ARHGAP20: variants seen among roughly 807,000 people sequenced by gnomAD.
The protein encoded by ARHGAP20 is rho GTPase-activating protein 20.
In ARHGAP20, 34 loss-of-function variants were observed where a neutral mutation model predicts 73.7. The observed-to-expected ratio is 0.46, with a 90% CI of 0.35 to 0.61. The LOEUF is 0.61. Among genes scored for constraint, ARHGAP20 ranks in the 20% least tolerant of loss-of-function variants. The pLI, the probability that ARHGAP20 is intolerant of heterozygous loss-of-function variation, is 0.00. For missense variants in ARHGAP20, 1,314 were observed against 1,420.9 expected (o/e 0.92, Z 1.21); for synonymous variants, 523 against 518.2 (o/e 1.01, Z -0.13).
At chr11:110,658,992 C>T (rs926308884) in intron 2 of ARHGAP20, among the ~76,000 whole-genome samples, 1 of 152,022 alleles carries the variant, frequency 6.6e-6, no homozygotes, top group Non-Finnish European at 1.5e-5. Flanking sequence ...CAAGTCTTTG[C>T]TATTGTGAAT....
chr11:110,677,121 T>G (rs1472436017), intron 2 of ARHGAP20, among the ~76,000 whole-genome samples: 1 of 152,202 alleles, frequency 6.6e-6, no homozygotes, highest in Non-Finnish European at 1.5e-5. Context: ...CAGGTTCAAG[T>G]GCTTTGGGGC....
intron 11 of ARHGAP20, 62 bp from the exon 12 acceptor site, chr11:110,586,387 G>A: frequency 9.6e-7 from 1 of 1,038,748 alleles, no homozygotes; most frequent in Admixed American, 2.4e-5. Flanking sequence ...ATGTATTAGA[G>A]AAAGTAGAAG....
intron 1 of ARHGAP20, chr11:110,711,640 C>T: frequency 6.8e-7 from 1 of 1,479,448 alleles, no homozygotes; most frequent in East Asian, 2.8e-5. Flanking sequence ...CCACCAGCGC[C>T]GCAGCCCCGC....
At position 110,712,083 on chromosome 11, in the gene ARHGAP20, G is replaced by A. The variant is rs536856636; in HGVS notation, c.105+44C>T. 15 of 1,263,020 alleles carry A rather than the reference G, an allele frequency of 1.2e-5. No individual in the cohort carries two copies. The African/African-American group carries it at 1.9e-4, about 16-fold the overall frequency. The allele number at this position is 1,263,020 out of a possible 1,614,324, so 78.2% of individuals were successfully genotyped here. Reference sequence around the variant, plus strand: ...GCGGAGGGCGCGCGCCGGCAGTGGGGGCTGCGGCGGCGGAGGGCACGGGCC... The same window carrying A: ...GCGGAGGGCGCGCGCCGGCAGTGGGAGCTGCGGCGGCGGAGGGCACGGGCC... On this transcript the variant is annotated intron_variant, in intron 1 of 14. Transcript: ENST00000683387.
At chr11:110,637,989 G>T (rs1181259715) in intron 2 of ARHGAP20, among the ~76,000 whole-genome samples, 2 of 152,094 alleles carry the variant, frequency 1.3e-5, no homozygotes, top group African/African-American at 4.8e-5. Context: ...ACAGTCATTG[G>T]TGTTTCTCCT....
chr11:110,614,802 A>G (rs755044152), intron 5 of ARHGAP20, among the ~76,000 whole-genome samples, 157 bp from the exon 6 acceptor site: 3 of 152,200 alleles, frequency 2.0e-5, no homozygotes, highest in Non-Finnish European at 2.9e-5. Context: ...GTCAGATTAC[A>G]TTATGGGTTG....
intron 2 of ARHGAP20, among the ~76,000 whole-genome samples, chr11:110,654,121 T>A (rs1028640238): frequency 6.6e-6 from 1 of 152,018 alleles, no homozygotes; most frequent in Admixed American, 6.6e-5. Flanking sequence ...AGGTGTTGGG[T>A]TGATAGGTGC....
intron 4 of ARHGAP20, among the ~76,000 whole-genome samples, chr11:110,617,002 C>G (rs1948498453): frequency 6.6e-6 from 1 of 152,086 alleles, no homozygotes; most frequent in Non-Finnish European, 1.5e-5. Context: ...AAACTGAACA[C>G]AGTCACATAA....
At chr11:110,625,773 G>A (rs573958483) in intron 3 of ARHGAP20, among the ~76,000 whole-genome samples, 1 of 152,292 alleles carries the variant, frequency 6.6e-6, no homozygotes, top group South Asian at 2.1e-4. Flanking sequence ...AGAAGGCACA[G>A]AGAAGGATAA....
intron 2 of ARHGAP20, among the ~76,000 whole-genome samples, chr11:110,670,245 A>G (rs1949802140): frequency 6.6e-6 from 1 of 152,108 alleles, no homozygotes; most frequent in Non-Finnish European, 1.5e-5. Context: ...AAAATAAATC[A>G]ATGAAATATA....
intron 2 of ARHGAP20, among the ~76,000 whole-genome samples, chr11:110,645,951 C>T (rs148089046): frequency 3.4e-4 from 51 of 151,962 alleles, no homozygotes; most frequent in African/African-American, 1.2e-3. Flanking sequence ...TAACAATGGA[C>T]ACTGGGGACT....
chr11:110,653,040 C>T (rs768727268), intron 2 of ARHGAP20, among the ~76,000 whole-genome samples: 2 of 152,160 alleles, frequency 1.3e-5, no homozygotes, highest in South Asian at 4.2e-4. Context: ...GAAACTGGAC[C>T]CTTTCCTTAC....
intron 2 of ARHGAP20, among the ~76,000 whole-genome samples, chr11:110,653,361 TAAAAC>T (rs1423857013): frequency 2.0e-5 from 3 of 151,858 alleles, no homozygotes; most frequent in Admixed American, 2.0e-4. Flanking sequence ...ACAAGGAACT[TAAAAC>T]AAATTTACAA....
intron 8 of ARHGAP20, among the ~76,000 whole-genome samples, chr11:110,608,574 T>C (rs758840940): frequency 2.6e-5 from 4 of 152,166 alleles, no homozygotes; most frequent in African/African-American, 4.8e-5. Context: ...TTAAGATGCA[T>C]GGTTGTATTT....
chr11:110,583,416 C>T, intron 13 of ARHGAP20, 132 bp downstream of exon 13: 1 of 791,080 alleles, frequency 1.3e-6, no homozygotes, highest in Non-Finnish European at 1.9e-6. Flanking sequence ...CTATAGTCTA[C>T]CAGTAAAGTC....
chr11:110,660,826 G>A lies in ARHGAP20; in HGVS notation c.188+29721C>T, dbSNP rs560522162. Among the ~76,000 whole-genome samples, 11 of 151,878 alleles carry A rather than the reference G, an allele frequency of 7.2e-5. No homozygotes were observed. In the East Asian group the frequency reaches 7.7e-4, roughly 11 times the overall value. On this transcript the variant is annotated intron_variant, in intron 2 of 14. Coordinates refer to ENST00000683387, the MANE Select transcript of ARHGAP20 (RefSeq NM_001384657.1). ...CTCTCTTATTTTTAAGGCCAAATAC[G>A]AGAAAAAAATTGGGGCTAGAATAAG...
rs1051145383 is a variant in ARHGAP20, at chr11:110,577,850, A to G, written c.*1520T>C. ...TCTTAGAGAAAATATTTTTTCCCCT[A>G]TAACTGAAAATGCAACCTTTAGAAC... On this transcript the variant is annotated 3_prime_UTR_variant, in exon 15 of 15. Transcript: ENST00000683387. 8 of 985,644 alleles carry G rather than the reference A, an allele frequency of 8.1e-6. No individual in the cohort carries two copies. In the African/African-American group the frequency reaches 1.2e-4, roughly 15 times the overall value. The allele number at this position is 985,644 out of a possible 1,614,324, so 61.1% of individuals were successfully genotyped here. A position where few individuals can be genotyped will look rare whatever the true frequency, so the allele number is the denominator to read the frequency against.
At chr11:110,686,318 G>A (rs2135105996) in intron 2 of ARHGAP20, among the ~76,000 whole-genome samples, 2 of 151,998 alleles carry the variant, frequency 1.3e-5, no homozygotes, top group Middle Eastern at 3.4e-3. Flanking sequence ...CAAGAGACTT[G>A]AAAAGAACTA....
At chr11:110,659,700 T>C (rs1217950215) in intron 2 of ARHGAP20, among the ~76,000 whole-genome samples, 1 of 152,098 alleles carries the variant, frequency 6.6e-6, no homozygotes, top group Admixed American at 6.6e-5. Flanking sequence ...GTGGCACATA[T>C]ACACCATGGA....
Sources: gnomAD v4.1 joint callset for allele counts (sites outside exome capture counted in the v4.1 genomes callset) on GRCh38, gnomAD v4.1.1 for gene constraint, MANE v1.5 for transcripts, NCBI Gene and HGNC (gene_info 2026-07-23, HGNC 2026-07-21) for gene names.